Variants in ADAMTSL3 observed in about 807,000 individuals in gnomAD.
ADAMTSL3 encodes the protein ADAMTS-like protein 3.
A neutral mutation model predicts 201.7 loss-of-function variants in ADAMTSL3; 128 were observed. The observed-to-expected ratio is 0.63, with a 90% CI of 0.55 to 0.73. The LOEUF (loss-of-function observed/expected upper bound fraction) is 0.73, where lower values mean the gene tolerates loss of function less well. Ranked by LOEUF, ADAMTSL3 falls within the 30% of genes least tolerant of loss-of-function variation. The probability of loss-of-function intolerance (pLI) is 0.00; values close to 1 mark genes in which losing one functional copy is unlikely to be tolerated. For synonymous variants in ADAMTSL3, 738 were observed against 748.4 expected (o/e 0.99, Z 0.23); for missense variants, 1,990 against 2,119.6 (o/e 0.94, Z 1.20).
chr15:83,971,479 C>T (rs1390646512), intron 20 of ADAMTSL3, among the ~76,000 whole-genome samples: 1 of 148,598 alleles, frequency 6.7e-6, no homozygotes, highest in African/African-American at 2.5e-5. Flanking sequence ...ATCACTTGAA[C>T]CTGGGAGGCG....
At chr15:83,938,652 T>G (rs2066502267) in intron 17 of ADAMTSL3, among the ~76,000 whole-genome samples, 1 of 152,230 alleles carries the variant, frequency 6.6e-6, no homozygotes, top group Admixed American at 6.5e-5. Context: ...TTTGCCTAAT[T>G]TCAATGATCC....
At chr15:83,990,212 T>C (rs1042931665) in intron 22 of ADAMTSL3, among the ~76,000 whole-genome samples, 6 of 152,134 alleles carry the variant, frequency 3.9e-5, no homozygotes, top group Non-Finnish European at 4.4e-5. Flanking sequence ...ATATAGCTTA[T>C]TAGAAGAGGC....
Position 83,655,755 on chromosome 15 carries a change from A to G in ADAMTSL3, c.-7A>G. ...CTACAACTGAGACCCGGAGGAGACT[A>G]GACCCCATGGCTTCCTGGACGAGCC... On this transcript the variant is annotated 5_prime_UTR_variant, in exon 2 of 30. Coordinates refer to ENST00000286744, the MANE Select transcript of ADAMTSL3 (RefSeq NM_207517.3). 6.2e-7 allele frequency: 1 copy of G among 1,614,102 alleles called. No individual in the cohort carries two copies. The highest frequency in any genetic ancestry group is 8.5e-7 in the Non-Finnish European group (1 of 1,179,970).
intron 20 of ADAMTSL3, among the ~76,000 whole-genome samples, chr15:83,981,863 G>T (rs1262936182): frequency 1.3e-5 from 2 of 152,208 alleles, no homozygotes; most frequent in Admixed American, 1.3e-4. Flanking sequence ...TGACATATCA[G>T]ACCCTTATTG....
intron 3 of ADAMTSL3, among the ~76,000 whole-genome samples, chr15:83,735,048 C>G (rs2062348256): frequency 6.6e-6 from 1 of 152,148 alleles, no homozygotes; most frequent in Non-Finnish European, 1.5e-5. Context: ...AAAACTCTAT[C>G]AGGCAGCCTC....
intron 5 of ADAMTSL3, among the ~76,000 whole-genome samples, chr15:83,815,908 T>C (rs1019395175): frequency 7.2e-5 from 11 of 152,170 alleles, no homozygotes; most frequent in Admixed American, 6.5e-4. Flanking sequence ...AGAATGTCAG[T>C]GATTACCCCT....
At chr15:83,957,130 T>C (rs1847845580) in intron 19 of ADAMTSL3, among the ~76,000 whole-genome samples, 1 of 152,144 alleles carries the variant, frequency 6.6e-6, no homozygotes, top group African/African-American at 2.4e-5. Context: ...TGGAGTTGCG[T>C]CTTAAGAGAT....
chr15:83,936,076 A>G (rs956604799), intron 17 of ADAMTSL3, among the ~76,000 whole-genome samples: 1 of 152,116 alleles, frequency 6.6e-6, no homozygotes, highest in African/African-American at 2.4e-5. Context: ...TGATGACCGA[A>G]GTATATTGTA....
intron 3 of ADAMTSL3, among the ~76,000 whole-genome samples, chr15:83,750,506 C>T (rs746851842): frequency 1.3e-5 from 2 of 152,120 alleles, no homozygotes; most frequent in African/African-American, 2.4e-5. Flanking sequence ...CTGATCAGAA[C>T]TCTGGTCCCC....
chr15:83,884,942 A>T (rs143394799), intron 9 of ADAMTSL3, among the ~76,000 whole-genome samples, 159 bp from the exon 10 acceptor site: 1 of 152,328 alleles, frequency 6.6e-6, no homozygotes, highest in African/African-American at 2.4e-5. Context: ...TCTTAATGAA[A>T]TGTCATCACA....
chr15:84,036,868 T>C lies in ADAMTSL3; in HGVS notation c.4850T>C (p.Phe1617Ser), dbSNP rs775983119. 9 of 1,613,992 alleles carry C rather than the reference T, an allele frequency of 5.6e-6. No individual in the cohort carries two copies. In the African/African-American group the frequency reaches 1.1e-4, roughly 19 times the overall value. Reference protein sequence around the residue: ...KPCTAACGRGFQSRKVDCIHT... With the variant: ...KPCTAACGRGSQSRKVDCIHT... ...TGTACAGCAGCCTGTGGCAGGGGTT[T>C]CCAGTCTCGGAAAGTCGACTGTATC... The change falls in exon 29 of 30, where the codon TTC becomes TCC. Residue 1617 changes from phenylalanine (F) to serine (S), a missense_variant. Transcript: ENST00000286744.
At chr15:83,702,975 T>A (rs2061797010) in intron 2 of ADAMTSL3, among the ~76,000 whole-genome samples, 2 of 152,100 alleles carry the variant, frequency 1.3e-5, no homozygotes, top group African/African-American at 4.8e-5. Flanking sequence ...AGAGAGGCCA[T>A]ACCCTGAAAA....
chr15:83,967,526 T>C (rs1262683674), intron 19 of ADAMTSL3, among the ~76,000 whole-genome samples: 1 of 152,018 alleles, frequency 6.6e-6, no homozygotes, highest in Non-Finnish European at 1.5e-5. Flanking sequence ...CTCAAGGAAA[T>C]AAGAGAGGAC....
intron 9 of ADAMTSL3, among the ~76,000 whole-genome samples, chr15:83,878,575 C>T (rs2065218459): frequency 6.6e-6 from 1 of 151,390 alleles, no homozygotes. Context: ...GATTGCGCCA[C>T]TGCACTCCAG....
intron 3 of ADAMTSL3, among the ~76,000 whole-genome samples, chr15:83,766,635 G>A (rs899713186): frequency 5.3e-5 from 8 of 152,190 alleles, no homozygotes; most frequent in African/African-American, 1.9e-4. Context: ...GTGAAAGGAA[G>A]TGGAGCATCA....
chr15:83,850,752 C>T (rs1172814154), intron 7 of ADAMTSL3, among the ~76,000 whole-genome samples: 1 of 152,158 alleles, frequency 6.6e-6, no homozygotes, highest in Non-Finnish European at 1.5e-5. Flanking sequence ...TTTAAGCCCT[C>T]ATCTGCAGAG....
intron 23 of ADAMTSL3, among the ~76,000 whole-genome samples, chr15:83,994,586 GTTTTTTTTTTTTT>G (rs3045402): frequency 8.0e-5 from 4 of 50,232 alleles, no homozygotes; most frequent in African/African-American, 2.1e-4. Context: ...TTGTTTTTTC[GTTTTTTTTTTTTT>G]TTTTTTTTTT....
At chr15:83,822,613 C>T (rs1385974901) in intron 6 of ADAMTSL3, among the ~76,000 whole-genome samples, 11 of 150,198 alleles carry the variant, frequency 7.3e-5, no homozygotes, top group South Asian at 4.3e-4. Context: ...CGGGCAGAGA[C>T]GCTCCTCACT....
Position 84,021,578 on chromosome 15 carries a change from G to A in ADAMTSL3, c.4442G>A (p.Arg1481Gln), listed in dbSNP as rs146891957. The A allele has an allele frequency of 1.3e-4, 202 of 1,613,980 alleles. 1 individual carries two copies. Among genetic ancestry groups the A allele is most frequent in the Middle Eastern group, 1.7e-4 (1 of 6,058 alleles). Residue 1481 changes from arginine to glutamine, a missense_variant, in exon 26 of 30, where the codon CGG becomes CAG. By Grantham distance (43) the Arg-to-Gln change is conservative (BLOSUM62 1). Transcript: ENST00000286744. ...PLAGFEPCNI[R>Q]DCPARWFTSV... is the part of the protein sequence containing the mutation. ...GCTGGGTTTGAGCCCTGTAACATCC[G>A]GGACTGCCCAGCGAGGTAAGTGAAG...
Sources: gnomAD v4.1 joint callset for allele counts (sites outside exome capture counted in the v4.1 genomes callset) on GRCh38, gnomAD v4.1.1 for gene constraint, MANE v1.5 for transcripts, NCBI Gene and HGNC (gene_info 2026-07-23, HGNC 2026-07-21) for gene names.